The following TMEM132D variants were observed in gnomAD, a reference collection of about 807,000 sequenced individuals.
TMEM132D encodes mature OL transmembrane protein.
In TMEM132D, 21 loss-of-function variants were observed where a neutral mutation model predicts 62.3. That is an observed-to-expected ratio of 0.34 (90% confidence interval 0.24 to 0.49). The LOEUF (loss-of-function observed/expected upper bound fraction) is 0.49. Among genes scored for constraint, TMEM132D ranks in the 20% least tolerant of loss-of-function variants. TMEM132D has a pLI of 0.99. For missense variants in TMEM132D, 1,346 were observed against 1,402.8 expected (o/e 0.96, Z 0.65); for synonymous variants, 621 against 575.6 (o/e 1.08, Z -1.13).
At chr12:129,395,600 G>T (rs1442876219) in intron 3 of TMEM132D, among the ~76,000 whole-genome samples, 1 of 151,666 alleles carries the variant, frequency 6.6e-6, no homozygotes, top group South Asian at 2.1e-4. Flanking sequence ...ATTCTTTTCT[G>T]TGGATTGCAA....
chr12:129,743,151 G>A (rs115013915), intron 1 of TMEM132D, among the ~76,000 whole-genome samples: 117 of 152,272 alleles, frequency 7.7e-4, no homozygotes, highest in African/African-American at 2.5e-3. Context: ...TTCCAAAGTC[G>A]TCCCATGTCC....
intron 5 of TMEM132D, among the ~76,000 whole-genome samples, chr12:129,192,275 A>C (rs1878427128): frequency 6.6e-6 from 1 of 152,094 alleles, no homozygotes; most frequent in African/African-American, 2.4e-5. Context: ...TCTCATTTGG[A>C]ATTTGGAATC....
chr12:129,183,004 C>A (rs1298187488), intron 5 of TMEM132D, among the ~76,000 whole-genome samples: 1 of 152,156 alleles, frequency 6.6e-6, no homozygotes, highest in African/African-American at 2.4e-5. Flanking sequence ...CTCTCTCTCT[C>A]TTTGGGGCTA....
intron 1 of TMEM132D, among the ~76,000 whole-genome samples, chr12:129,850,324 C>T (rs1230356551): frequency 6.6e-6 from 1 of 152,162 alleles, no homozygotes; most frequent in Admixed American, 6.5e-5. Flanking sequence ...CATAATTCAA[C>T]CCTGAGCCCT....
intron 2 of TMEM132D, among the ~76,000 whole-genome samples, chr12:129,690,435 CTA>C (rs1881037029): frequency 6.6e-6 from 1 of 151,960 alleles, no homozygotes; most frequent in African/African-American, 2.4e-5. Flanking sequence ...CATGATTTGC[CTA>C]TATGATATTT....
intron 5 of TMEM132D, among the ~76,000 whole-genome samples, chr12:129,160,142 C>T (rs1877359738): frequency 6.6e-6 from 1 of 152,210 alleles, no homozygotes; most frequent in South Asian, 2.1e-4. Context: ...CTATGCTTTG[C>T]TACTGCATCA....
chr12:129,749,470 T>C (rs1160319522), intron 1 of TMEM132D, among the ~76,000 whole-genome samples: 1 of 151,862 alleles, frequency 6.6e-6, no homozygotes, highest in Non-Finnish European at 1.5e-5. Context: ...AATCTTTTTT[T>C]TTTTTTTTTT....
chr12:129,897,693 T>C (rs904657584), intron 1 of TMEM132D, among the ~76,000 whole-genome samples: 8 of 152,238 alleles, frequency 5.3e-5, no homozygotes, highest in African/African-American at 1.9e-4. Flanking sequence ...TTTCAGGTGT[T>C]ATTTCTGATT....
At chr12:129,463,612 C>T (rs1185441798) in intron 3 of TMEM132D, among the ~76,000 whole-genome samples, 7 of 151,954 alleles carry the variant, frequency 4.6e-5, no homozygotes, top group East Asian at 3.9e-4. Flanking sequence ...CTCCTAATGC[C>T]ATCCCTCCCC....
intron 3 of TMEM132D, among the ~76,000 whole-genome samples, chr12:129,358,941 A>G (rs142895304): frequency 3.5e-4 from 50 of 141,538 alleles, no homozygotes; most frequent in African/African-American, 1.3e-3. Flanking sequence ...AGCTGTGGGT[A>G]GAAGAAATTT....
intron 1 of TMEM132D, among the ~76,000 whole-genome samples, chr12:129,762,416 A>T (rs1374052581): frequency 6.6e-6 from 1 of 152,036 alleles, no homozygotes; most frequent in Non-Finnish European, 1.5e-5. Context: ...AGAACAAGAC[A>T]CTATTACCGC....
intron 1 of TMEM132D, among the ~76,000 whole-genome samples, chr12:129,789,417 C>A (rs1387676988): frequency 6.6e-6 from 1 of 152,206 alleles, no homozygotes; most frequent in East Asian, 1.9e-4. Flanking sequence ...GAAAAAGATA[C>A]TTACACACGC....
At chr12:129,549,643 T>C (rs1292743940) in intron 2 of TMEM132D, among the ~76,000 whole-genome samples, 1 of 152,220 alleles carries the variant, frequency 6.6e-6, no homozygotes, top group Non-Finnish European at 1.5e-5. Context: ...CAGTCGCAGG[T>C]ATGTCTTTAT....
intron 4 of TMEM132D, among the ~76,000 whole-genome samples, chr12:129,224,688 TTGA>T (rs1879433791): frequency 6.6e-6 from 1 of 152,160 alleles, no homozygotes; most frequent in Admixed American, 6.5e-5. Flanking sequence ...AGCAGATCAC[TTGA>T]GGTCAGGAGT....
rs1879042196 is a variant in TMEM132D, at chr12:129,620,719, GA to G, written c.968+79090del. On this transcript the variant is annotated intron_variant, in intron 2 of 8. Transcript: ENST00000422113. ...CACCGTCCTCAGCAAACTAATGCAG[GA>G]AGAGAAAACCAAACACCACATGTTC... Among the ~76,000 whole-genome samples, 3 of 152,264 alleles carry G rather than the reference GA, an allele frequency of 2.0e-5. No individual in the cohort carries two copies. In the South Asian group the frequency reaches 6.2e-4, roughly 32 times the overall value.
intron 5 of TMEM132D, among the ~76,000 whole-genome samples, chr12:129,136,877 A>T (rs973458425): frequency 3.3e-5 from 5 of 151,370 alleles, no homozygotes; most frequent in Non-Finnish European, 7.4e-5. Context: ...CACCATCATT[A>T]CTATCATCAT....
intron 5 of TMEM132D, among the ~76,000 whole-genome samples, chr12:129,125,976 A>G (rs1005273309): frequency 6.6e-6 from 1 of 152,186 alleles, no homozygotes; most frequent in Non-Finnish European, 1.5e-5. Context: ...AAGTTTATAT[A>G]GCACATGGTC....
At chr12:129,741,642 T>G (rs932973444) in intron 1 of TMEM132D, among the ~76,000 whole-genome samples, 1 of 152,198 alleles carries the variant, frequency 6.6e-6, no homozygotes, top group Non-Finnish European at 1.5e-5. Flanking sequence ...ACTCATACGT[T>G]CTGCAAGATG....
At chr12:129,463,876 G>T (rs2137041416) in intron 3 of TMEM132D, among the ~76,000 whole-genome samples, 1 of 151,034 alleles carries the variant, frequency 6.6e-6, no homozygotes, top group African/African-American at 2.4e-5. Context: ...GTCTATCATT[G>T]TTGGACATTT....
Sources: allele counts gnomAD v4.1 joint callset (sites outside exome capture counted in the v4.1 genomes callset), GRCh38; gene constraint gnomAD v4.1.1; transcripts MANE v1.5; gene names NCBI Gene and HGNC (gene_info 2026-07-23, HGNC 2026-07-21).